The following PTPRT variants were observed in gnomAD, a reference collection of about 807,000 sequenced individuals.
PTPRT encodes the protein protein tyrosine phosphatase receptor type T.
A neutral mutation model predicts 176.8 loss-of-function variants in PTPRT; 56 were observed. The observed-to-expected ratio is 0.32, with a 90% CI of 0.26 to 0.40. The LOEUF is 0.40. Among genes scored for constraint, PTPRT ranks in the 10% least tolerant of loss-of-function variants. The pLI, the probability that PTPRT is intolerant of heterozygous loss-of-function variation, is 1.00. For missense variants in PTPRT, 1,540 were observed against 1,908.2 expected (o/e 0.81, Z 3.60); for synonymous variants, 783 against 739.0 (o/e 1.06, Z -0.96).
At chr20:42,674,296 T>A (rs1419486294) in intron 7 of PTPRT, among the ~76,000 whole-genome samples, 4 of 152,204 alleles carry the variant, frequency 2.6e-5, no homozygotes, top group Non-Finnish European at 4.4e-5. Context: ...TTTTTAAAAA[T>A]AAAATACCAC....
chr20:43,013,291 T>C (rs529897796), intron 1 of PTPRT, among the ~76,000 whole-genome samples: 2 of 152,268 alleles, frequency 1.3e-5, no homozygotes, highest in South Asian at 4.1e-4. Flanking sequence ...GTGTGGGGTA[T>C]GGAATTGTCC....
chr20:42,086,284 G>A (rs937187694), intron 27 of PTPRT, among the ~76,000 whole-genome samples: 30 of 152,142 alleles, frequency 2.0e-4, no homozygotes, highest in African/African-American at 3.1e-4. Flanking sequence ...TGGCCAGAAA[G>A]GTAGAGTATT....
chr20:42,780,499 G>A (rs2077199538), intron 3 of PTPRT, among the ~76,000 whole-genome samples, 200 bp from the exon 4 acceptor site: 1 of 152,156 alleles, frequency 6.6e-6, no homozygotes, highest in Admixed American at 6.5e-5. Flanking sequence ...TTGGTGGCTA[G>A]CAAAAGAAGA....
At chr20:42,113,554 AGCACAGAAGTCTGGCTTCCAC>A (rs1308135861) in intron 22 of PTPRT, among the ~76,000 whole-genome samples, 1 of 152,206 alleles carries the variant, frequency 6.6e-6, no homozygotes, top group East Asian at 1.9e-4. Context: ...CTGACGTGGG[AGCACAGAAGTCTGGCTTCCAC>A]GCCTTAAGGG....
chr20:42,793,496 C>A (rs748012462), intron 2 of PTPRT, among the ~76,000 whole-genome samples: 2 of 152,116 alleles, frequency 1.3e-5, no homozygotes, highest in African/African-American at 2.4e-5. Context: ...ATCCATATTG[C>A]CGCAAAAGTC....
chr20:42,983,381 C>T (rs1438060261), intron 1 of PTPRT, among the ~76,000 whole-genome samples: 2 of 152,200 alleles, frequency 1.3e-5, no homozygotes, highest in African/African-American at 2.4e-5. Flanking sequence ...CACTCTACAT[C>T]CTCCTGCTGT....
At chr20:42,699,896 G>A (rs957025020) in intron 6 of PTPRT, among the ~76,000 whole-genome samples, 1 of 152,076 alleles carries the variant, frequency 6.6e-6, no homozygotes, top group African/African-American at 2.4e-5. Context: ...AAACTAATTT[G>A]GGTCATTGCT....
At chr20:42,174,215 C>T (rs1047444855) in intron 16 of PTPRT, among the ~76,000 whole-genome samples, 2 of 152,096 alleles carry the variant, frequency 1.3e-5, no homozygotes, top group Non-Finnish European at 2.9e-5. Context: ...CTTAGAAGAA[C>T]ATGTCTTGGT....
intron 11 of PTPRT, among the ~76,000 whole-genome samples, chr20:42,319,447 T>C (rs530168597): frequency 6.6e-6 from 1 of 152,268 alleles, no homozygotes; most frequent in South Asian, 2.1e-4. Flanking sequence ...AGTCAACATA[T>C]GGTTCACATA....
intron 14 of PTPRT, 110 bp from the exon 15 acceptor site, chr20:42,236,368 A>G: frequency 1.0e-6 from 1 of 954,344 alleles, no homozygotes; most frequent in South Asian, 1.5e-5. Flanking sequence ...TTAGAAATGC[A>G]CATATTATTT....
At chr20:42,266,986 G>C (rs190804998) in intron 13 of PTPRT, among the ~76,000 whole-genome samples, 2 of 152,276 alleles carry the variant, frequency 1.3e-5, no homozygotes, top group Admixed American at 1.3e-4. Flanking sequence ...TCTTTCATCT[G>C]TTGTTTTCTT....
At chr20:42,167,263 G>C (rs941751836) in intron 16 of PTPRT, among the ~76,000 whole-genome samples, 8 of 152,094 alleles carry the variant, frequency 5.3e-5, no homozygotes, top group African/African-American at 1.9e-4. Flanking sequence ...GTCATTTAGG[G>C]CTTCTTTCGC....
At chr20:42,104,185 A>G (rs1433783783) in intron 25 of PTPRT, among the ~76,000 whole-genome samples, 1 of 152,148 alleles carries the variant, frequency 6.6e-6, no homozygotes, top group Non-Finnish European at 1.5e-5. Flanking sequence ...AGAAACATGT[A>G]GGGCCAGGTG....
chr20:42,214,201 C>G (rs2055713632), intron 15 of PTPRT, among the ~76,000 whole-genome samples: 1 of 152,188 alleles, frequency 6.6e-6, no homozygotes, highest in African/African-American at 2.4e-5. Flanking sequence ...CTAAGATTCC[C>G]TGTTATGTCA....
At chr20:42,669,924 C>A (rs1441893400) in intron 7 of PTPRT, among the ~76,000 whole-genome samples, 4 of 152,134 alleles carry the variant, frequency 2.6e-5, no homozygotes, top group African/African-American at 9.7e-5. Context: ...ATGGTTCTCC[C>A]TCTTACCTGA....
intron 7 of PTPRT, among the ~76,000 whole-genome samples, chr20:42,489,596 G>A (rs1337969854): frequency 1.3e-5 from 2 of 151,768 alleles, no homozygotes; most frequent in African/African-American, 2.4e-5. Context: ...CTTAGAAAAT[G>A]CATCCTATTA....
chr20:42,343,559 T>C (rs1249986061), intron 11 of PTPRT, among the ~76,000 whole-genome samples: 3 of 152,246 alleles, frequency 2.0e-5, no homozygotes, highest in Non-Finnish European at 4.4e-5. Flanking sequence ...GCTGGCCCTT[T>C]GGCAATGAGA....
chr20:42,646,786 A>T (rs1228881887), intron 7 of PTPRT, among the ~76,000 whole-genome samples: 1 of 144,414 alleles, frequency 6.9e-6, no homozygotes, highest in Non-Finnish European at 1.5e-5. Flanking sequence ...CCCCACCCAC[A>T]TCCCTCCCTC....
At chr20:42,157,624 TC>T (rs199994565) in intron 17 of PTPRT, among the ~76,000 whole-genome samples, 3 of 151,046 alleles carry the variant, frequency 2.0e-5, no homozygotes, top group African/African-American at 4.9e-5. Flanking sequence ...GGGATTTTCT[TC>T]CCCCCCCAAT....
Sources: gnomAD v4.1 joint callset for allele counts (sites outside exome capture counted in the v4.1 genomes callset) on GRCh38, gnomAD v4.1.1 for gene constraint, MANE v1.5 for transcripts, NCBI Gene and HGNC (gene_info 2026-07-23, HGNC 2026-07-21) for gene names.